The following RAD51B variants were observed in gnomAD, a reference collection of about 807,000 sequenced individuals.
RAD51B encodes the protein DNA repair protein RAD51 homolog 2.
RAD51B carries 38 observed loss-of-function variants against 42.2 expected under a neutral mutation model. The ratio of observed to expected loss-of-function variants is 0.90; its 90% CI spans 0.70 to 1.18. The LOEUF (loss-of-function observed/expected upper bound fraction) is 1.18, where lower values mean the gene tolerates loss of function less well. RAD51B is among the 50% of genes most tolerant of loss of function. The probability of loss-of-function intolerance (pLI) is 0.00; values close to 1 mark genes in which losing one functional copy is unlikely to be tolerated. For synonymous variants in RAD51B, 154 were observed against 145.2 expected (o/e 1.06, Z -0.43); for missense variants, 373 against 400.7 (o/e 0.93, Z 0.59).
chr14:67,966,220 G>A (rs1023961566), intron 7 of RAD51B, among the ~76,000 whole-genome samples: 5 of 152,232 alleles, frequency 3.3e-5, no homozygotes, highest in South Asian at 2.1e-4. Context: ...ACAGGACCAC[G>A]AGCCTTCACA....
chr14:68,065,084 C>G (rs2076628404), intron 7 of RAD51B, among the ~76,000 whole-genome samples: 1 of 152,092 alleles, frequency 6.6e-6, no homozygotes, highest in Non-Finnish European at 1.5e-5. Flanking sequence ...GAACAGTTGC[C>G]TATTCCAATT....
chr14:67,972,332 T>C (rs1363353216), intron 7 of RAD51B, among the ~76,000 whole-genome samples: 1 of 152,036 alleles, frequency 6.6e-6, no homozygotes, highest in African/African-American at 2.4e-5. Flanking sequence ...GCAGCTCTAC[T>C]ATCTGAACAC....
intron 4 of RAD51B, among the ~76,000 whole-genome samples, chr14:67,837,015 C>T (rs535610762): frequency 1.7e-3 from 265 of 151,990 alleles, no homozygotes; most frequent in African/African-American, 6.2e-3. Flanking sequence ...AGATAGGGAC[C>T]CTGTTTTAGA....
downstream of RAD51B, among the ~76,000 whole-genome samples, chr14:68,612,216 A>G (rs1323882553): frequency 6.6e-6 from 1 of 152,210 alleles, no homozygotes; most frequent in African/African-American, 2.4e-5. Flanking sequence ...CTTGCGTGGG[A>G]AGTCCAGCTG....
At chr14:68,501,267 T>C (rs1391386956) in intron 10 of RAD51B, among the ~76,000 whole-genome samples, 1 of 152,226 alleles carries the variant, frequency 6.6e-6, no homozygotes, top group Admixed American at 6.5e-5. Context: ...AGACTTATTG[T>C]TCTATTGCAG....
Position 68,244,120 on chromosome 14 carries a change from G to C in RAD51B, c.757-47764G>C, listed in dbSNP as rs545788875. Among the ~76,000 whole-genome samples, 8 of 152,184 alleles carry C rather than the reference G, an allele frequency of 5.3e-5. No homozygotes were observed. The South Asian group carries it at 1.5e-3, about 28-fold the overall frequency. On this transcript the variant is annotated intron_variant, in intron 7 of 10. Coordinates refer to ENST00000471583, the MANE Select transcript of RAD51B (RefSeq NM_133510.4). ...CTATGCTGTCATCTAAAATGTTATA[G>C]AAAGATCTGTTTGTATTGTTATTGT...
intron 8 of RAD51B, among the ~76,000 whole-genome samples, chr14:68,336,795 A>G (rs766007632): frequency 3.9e-5 from 6 of 152,330 alleles, no homozygotes; most frequent in South Asian, 2.1e-4. Flanking sequence ...AACCCATTCA[A>G]TGGTGGAGAA....
chr14:68,035,471 A>G (rs1345005760), intron 7 of RAD51B, among the ~76,000 whole-genome samples: 1 of 152,168 alleles, frequency 6.6e-6, no homozygotes, highest in Non-Finnish European at 1.5e-5. Flanking sequence ...TTTGAGTGCT[A>G]ATATGCAAGG....
downstream of RAD51B, among the ~76,000 whole-genome samples, chr14:68,613,153 C>T (rs1049091261): frequency 2.0e-5 from 3 of 152,184 alleles, no homozygotes; most frequent in Non-Finnish European, 4.4e-5. Context: ...TGGTGGCTCA[C>T]GCCTGTAATC....
intron 9 of RAD51B, among the ~76,000 whole-genome samples, chr14:68,444,171 A>G (rs1460752052): frequency 6.6e-6 from 1 of 152,218 alleles, no homozygotes; most frequent in Non-Finnish European, 1.5e-5. Flanking sequence ...CCTCCCTGTC[A>G]TGCCAGCTGC....
At chr14:68,115,865 A>G (rs1027838102) in intron 7 of RAD51B, among the ~76,000 whole-genome samples, 1 of 152,134 alleles carries the variant, frequency 6.6e-6, no homozygotes, top group African/African-American at 2.4e-5. Flanking sequence ...CCACATGGGA[A>G]ACTGTTAAAA....
At chr14:67,885,833 G>A in intron 5 of RAD51B, 36 bp from the exon 6 acceptor site, 1 of 1,565,098 alleles carries the variant, frequency 6.4e-7, no homozygotes, top group African/African-American at 1.4e-5. Context: ...AAGTAGAATT[G>A]ACTGTTTTCG....
intron 7 of RAD51B, among the ~76,000 whole-genome samples, chr14:68,249,207 A>G (rs2080566373): frequency 6.6e-6 from 1 of 152,228 alleles, no homozygotes; most frequent in African/African-American, 2.4e-5. Flanking sequence ...GATGCCTCAC[A>G]TGCCACAGGA....
chr14:68,391,049 G>A (rs2083736736), intron 8 of RAD51B, among the ~76,000 whole-genome samples: 1 of 152,198 alleles, frequency 6.6e-6, no homozygotes, highest in South Asian at 2.1e-4. Flanking sequence ...TTCTTTTGGA[G>A]AATTCAAAAG....
At chr14:68,557,807 G>A (rs565600196) in intron 10 of RAD51B, among the ~76,000 whole-genome samples, 9 of 152,290 alleles carry the variant, frequency 5.9e-5, no homozygotes, top group South Asian at 2.1e-4. Flanking sequence ...GAAAGGTAAC[G>A]TGACTGTTCT....
At chr14:68,122,898 G>A (rs752710182) in intron 7 of RAD51B, among the ~76,000 whole-genome samples, 1 of 152,074 alleles carries the variant, frequency 6.6e-6, no homozygotes, top group Non-Finnish European at 1.5e-5. Flanking sequence ...AATCCAAGAT[G>A]CATTATTAAA....
intron 2 of RAD51B, among the ~76,000 whole-genome samples, chr14:67,825,022 G>T (rs1009437994): frequency 7.3e-6 from 1 of 137,224 alleles, no homozygotes; most frequent in Non-Finnish European, 1.5e-5. Flanking sequence ...AGGTTGCAGT[G>T]AGCCGAGATC....
chr14:68,126,706 C>CT (rs1054262809), intron 7 of RAD51B, among the ~76,000 whole-genome samples: 1 of 152,100 alleles, frequency 6.6e-6, no homozygotes, highest in Non-Finnish European at 1.5e-5. Context: ...GCAATTGTAC[C>CT]TTTTTTGGAA....
At chr14:68,428,034 C>T (rs1349572459) in intron 9 of RAD51B, among the ~76,000 whole-genome samples, 10 of 152,082 alleles carry the variant, frequency 6.6e-5, no homozygotes, top group African/African-American at 2.4e-4. Flanking sequence ...AGTTTTGTTT[C>T]TTTTTCACCT....
Sources: gnomAD v4.1 joint callset for allele counts (sites outside exome capture counted in the v4.1 genomes callset) on GRCh38, gnomAD v4.1.1 for gene constraint, MANE v1.5 for transcripts, NCBI Gene and HGNC (gene_info 2026-07-23, HGNC 2026-07-21) for gene names.